The following DDX21 variants were observed in gnomAD, a reference collection of about 807,000 sequenced individuals.
DDX21 encodes the protein nucleolar RNA helicase 2.
Under a neutral mutation model 90.0 loss-of-function variants are expected in DDX21, and 18 were observed. The observed-to-expected ratio is 0.20, with a 90% CI of 0.14 to 0.30. The LOEUF is 0.30. DDX21 is among the 10% of genes least tolerant of loss of function. The pLI is 1.00. For synonymous variants in DDX21, 294 were observed against 318.0 expected (o/e 0.92, Z 0.80); for missense variants, 673 against 944.5 (o/e 0.71, Z 3.77).
rs373676336 is a variant in DDX21 at position 68,960,095 on chromosome 10, A to G, written c.377A>G (p.Asp126Gly). The change falls in exon 2 of 15, where the codon GAT becomes GGT. Residue 126 changes from aspartate (D) to glycine (G), a missense_variant. Asp to Gly is a moderately conservative substitution (Grantham distance 94). Coordinates refer to ENST00000354185, the MANE Select transcript of DDX21 (RefSeq NM_004728.4). ...GAGGAGCCTTCTGAGGAAGAAATAG[A>G]TGCTCCTAAGCCCAAGAAGATGAAG... Reference protein sequence around the residue: ...KNEEPSEEEIDAPKPKKMKKE... With the variant: ...KNEEPSEEEIGAPKPKKMKKE... 2 of 1,613,124 alleles carry G rather than the reference A, an allele frequency of 1.2e-6. No individual in the cohort carries two copies. The highest frequency in any genetic ancestry group is 2.7e-5 in the African/African-American group (2 of 74,850).
intron 4 of DDX21, among the ~76,000 whole-genome samples, chr10:68,964,722 G>A (rs1269900831): frequency 6.8e-6 from 1 of 146,032 alleles, no homozygotes; most frequent in Non-Finnish European, 1.5e-5. Flanking sequence ...GGAGTGCGGT[G>A]GTGCAATCTT....
intron 9 of DDX21, among the ~76,000 whole-genome samples, chr10:68,972,315 G>A (rs945675765): frequency 2.0e-5 from 3 of 152,102 alleles, no homozygotes; most frequent in Admixed American, 6.6e-5. Flanking sequence ...TTGAAGATGG[G>A]TGGAAGGACT....
chr10:68,979,079 A>G, intron 13 of DDX21, 103 bp downstream of exon 13: 5 of 1,484,692 alleles, frequency 3.4e-6, no homozygotes, highest in Non-Finnish European at 4.6e-6. Context: ...GCATCTCTTC[A>G]CTCTCTCATC....
chr10:68,956,619 G>T, intron 1 of DDX21: 1 of 1,211,080 alleles, frequency 8.3e-7, no homozygotes, highest in East Asian at 4.4e-5. Flanking sequence ...GGTGTCCCAC[G>T]TGGTCCCCGG....
chr10:68,965,245 GATA>G (rs1273378421), intron 4 of DDX21, 129 bp from the exon 5 acceptor site: 1 of 609,514 alleles, frequency 1.6e-6, no homozygotes, highest in Non-Finnish European at 2.8e-6. Flanking sequence ...AAAAATATTA[GATA>G]ATGTTATCGT....
At chr10:68,967,404 G>T (rs189703281) in intron 6 of DDX21, among the ~76,000 whole-genome samples, 2 of 152,056 alleles carry the variant, frequency 1.3e-5, no homozygotes, top group Admixed American at 1.3e-4. Flanking sequence ...CCCAGCCCCA[G>T]GTGATCCGAC....
chr10:68,971,574 C>G (rs1450258184), intron 8 of DDX21, among the ~76,000 whole-genome samples: 1 of 152,164 alleles, frequency 6.6e-6, no homozygotes, highest in Non-Finnish European at 1.5e-5. Flanking sequence ...TTAGAACTCA[C>G]TTAATCTGTC....
chr10:68,968,067 G>T (rs1173922376), intron 6 of DDX21, among the ~76,000 whole-genome samples: 2 of 151,910 alleles, frequency 1.3e-5, no homozygotes, highest in Non-Finnish European at 2.9e-5. Flanking sequence ...TTTTTGTAGA[G>T]CTGGGTTTCA....
Position 68,964,117 on chromosome 10 carries a change from A to G in DDX21, c.786+648A>G, listed in dbSNP as rs557552835. 360 of 431,030 alleles carry G rather than the reference A, an allele frequency of 8.4e-4. 2 individuals are homozygous for G. The highest frequency in any genetic ancestry group is 6.5e-3 in the African/African-American group (310 of 47,884). The allele number at this position is 431,030 out of a possible 1,614,324, so 26.7% of individuals were successfully genotyped here. A position where few individuals can be genotyped will look rare whatever the true frequency, so the allele number is the denominator to read the frequency against. ...CCGTCTCAAGAAAAAAAAAAAAAAA[A>G]AAAGAAAAGCATGAATGGAAAGAAG... is the stretch of plus-strand genomic sequence containing the variant. On this transcript the variant is annotated intron_variant, in intron 4 of 14. Transcript: ENST00000354185.
At chr10:68,957,267 T>C (rs757461287) in intron 1 of DDX21, among the ~76,000 whole-genome samples, 4 of 152,148 alleles carry the variant, frequency 2.6e-5, no homozygotes, top group Non-Finnish European at 4.4e-5. Flanking sequence ...CCCATGGAAA[T>C]GTAAAGGCAT....
At chr10:68,966,881 T>C (rs946705320) in intron 5 of DDX21, 137 bp from the exon 6 acceptor site, 53 of 586,754 alleles carry the variant, frequency 9.0e-5, no homozygotes, top group Non-Finnish European at 1.3e-4. Flanking sequence ...ATCTTTATCA[T>C]TATTACTTAG....
At chr10:68,979,867 C>T (rs2132095900) in intron 13 of DDX21, among the ~76,000 whole-genome samples, 1 of 152,304 alleles carries the variant, frequency 6.6e-6, no homozygotes, top group South Asian at 2.1e-4. Flanking sequence ...TACCTCATTG[C>T]TACCAACACC....
At chr10:68,968,839 G>A in intron 6 of DDX21, 137 bp from the exon 7 acceptor site, 1 of 833,300 alleles carries the variant, frequency 1.2e-6, no homozygotes, top group Non-Finnish European at 1.8e-6. Flanking sequence ...TTCCAGTTTT[G>A]TGTCCTCAGT....
intron 7 of DDX21, 61 bp downstream of exon 7, chr10:68,969,182 G>A (rs1842985543): frequency 1.4e-5 from 21 of 1,469,260 alleles, no homozygotes; most frequent in Non-Finnish European, 1.9e-5. Context: ...TTGTCTGTTA[G>A]TATTAAGACT....
intron 5 of DDX21, 75 bp downstream of exon 5, chr10:68,965,569 T>G (rs1842928907): frequency 9.1e-7 from 1 of 1,104,428 alleles, no homozygotes; most frequent in Non-Finnish European, 1.4e-6. Flanking sequence ...TCTTTTCACC[T>G]TGACATCTGG....
Position 68,959,872 on chromosome 10 carries a change from T to C in DDX21, c.154T>C (p.Phe52Leu), listed in dbSNP as rs755841241. 1 of 1,588,502 alleles carries C rather than the reference T, an allele frequency of 6.3e-7. No homozygotes were observed. The highest frequency in any genetic ancestry group is 8.5e-7 in the Non-Finnish European group (1 of 1,174,400). Reference sequence around the variant, plus strand: ...GATAGCAGAAGAGGAAGAAACTGTTTTCCCCAAAGCTAAACAAGTTAAAAA... The same window carrying C: ...GATAGCAGAAGAGGAAGAAACTGTTCTCCCCAAAGCTAAACAAGTTAAAAA... Reference protein sequence around the residue: ...EEIAEEEETVFPKAKQVKKKA... With the variant: ...EEIAEEEETVLPKAKQVKKKA... The change falls in exon 2 of 15, where the codon TTC becomes CTC. Residue 52 changes from phenylalanine (F) to leucine (L), a missense_variant. Coordinates refer to ENST00000354185, the MANE Select transcript of DDX21 (RefSeq NM_004728.4).
In DDX21 at chr10:68,960,185, A is replaced by G; in HGVS notation, c.467A>G (p.His156Arg). Residue 156 changes from histidine (H) to arginine (R), a missense_variant, in exon 2 of 15, where the codon CAT becomes CGT. By Grantham distance (29) the His-to-Arg change is conservative. Around this residue, in one of 4 missense-constraint regions of DDX21, gnomAD observed 204 missense variants for 221.6 expected, o/e 0.92. Transcript: ENST00000354185. ...CCCAAACTGAAGAATGGATTTCCTC[A>G]TCCTGAACCGGACTGTAACCCCAGT... ...KSPKLKNGFP[H>R]PEPDCNPSEA... 3 of 1,613,146 alleles carry G rather than the reference A, an allele frequency of 1.9e-6. No individual in the cohort carries two copies. The highest frequency in any genetic ancestry group is 2.5e-6 in the Non-Finnish European group (3 of 1,179,796).
At chr10:68,963,864 C>A (rs1303526885) in intron 4 of DDX21, among the ~76,000 whole-genome samples, 1 of 151,790 alleles carries the variant, frequency 6.6e-6, no homozygotes, top group Non-Finnish European at 1.5e-5. Context: ...ACTTTGGGAG[C>A]CCGAGGTGGG....
At chr10:68,979,654 C>G (rs959582802) in intron 13 of DDX21, among the ~76,000 whole-genome samples, 1 of 152,146 alleles carries the variant, frequency 6.6e-6, no homozygotes, top group African/African-American at 2.4e-5. Flanking sequence ...TTTGACTTGG[C>G]GAAGCCCCTA....
Sources: gnomAD v4.1 joint callset for allele counts (sites outside exome capture counted in the v4.1 genomes callset) on GRCh38, gnomAD v4.1.1 for gene constraint, gnomAD v4.1.1 regional missense constraint, MANE v1.5 for transcripts, NCBI Gene and HGNC (gene_info 2026-07-23, HGNC 2026-07-21) for gene names.